The following POPDC2 variants were observed in gnomAD, a reference collection of about 807,000 sequenced individuals.
POPDC2 encodes the protein popeye domain-containing protein 2.
Under a neutral mutation model 30.5 loss-of-function variants are expected in POPDC2, and 24 were observed. That is an observed-to-expected ratio of 0.79 (90% CI 0.57 to 1.11). The LOEUF (loss-of-function observed/expected upper bound fraction) is 1.11. POPDC2 is among the 50% of genes least tolerant of loss of function. The pLI is 0.00. For missense variants in POPDC2, 409 were observed against 447.0 expected, an observed-to-expected ratio of 0.91 and a Z score of 0.77; for synonymous variants, 185 against 183.3, an observed-to-expected ratio of 1.01 and a Z score of -0.07.
At chr3:119,655,573 G>C (rs2052870107) in intron 1 of POPDC2, among the ~76,000 whole-genome samples, 1 of 152,160 alleles carries the variant, frequency 6.6e-6, no homozygotes, top group Non-Finnish European at 1.5e-5. Context: ...GAAGATTCAT[G>C]CTTACATTTA....
chr3:119,654,409 G>A (rs2052853182), intron 2 of POPDC2, 96 bp downstream of exon 2: 7 of 840,664 alleles, frequency 8.3e-6, no homozygotes, highest in South Asian at 4.6e-5. Flanking sequence ...GCAGGGGTGC[G>A]AAGGACAGAT....
chr3:119,643,344 T>C (rs2107811187), intron 3 of POPDC2: 1 of 1,494,570 alleles, frequency 6.7e-7, no homozygotes, highest in Non-Finnish European at 9.0e-7. Context: ...ATGTTTTCTT[T>C]AGGCCTCCAC....
chr3:119,644,656 C>T (rs1322180109), intron 3 of POPDC2, among the ~76,000 whole-genome samples: 1 of 152,142 alleles, frequency 6.6e-6, no homozygotes, highest in Non-Finnish European at 1.5e-5. Context: ...GCACTGGTGT[C>T]AATGTGATGA....
At chr3:119,654,883 C>T (rs2052861849) in intron 1 of POPDC2, among the ~76,000 whole-genome samples, 1 of 152,130 alleles carries the variant, frequency 6.6e-6, no homozygotes, top group African/African-American at 2.4e-5. Context: ...GTAGAAGTCC[C>T]AGGGAAGCTT....
intron 3 of POPDC2, among the ~76,000 whole-genome samples, chr3:119,644,783 A>G (rs2052727015): frequency 1.3e-5 from 2 of 152,242 alleles, no homozygotes; most frequent in Non-Finnish European, 1.5e-5. Context: ...GCCAGGAAAT[A>G]GATGGTGAAT....
intron 3 of POPDC2, among the ~76,000 whole-genome samples, chr3:119,646,332 C>G (rs999475306): frequency 6.6e-6 from 1 of 152,190 alleles, no homozygotes; most frequent in Non-Finnish European, 1.5e-5. Context: ...AAAATGGACA[C>G]TTAAGAGCAG....
At position 119,643,274 on chromosome 3, in the gene POPDC2, C is replaced by T. The variant is rs892762265; in HGVS notation, c.*44-713G>A. 1.1e-5 allele frequency: 9 copies of T among 804,576 alleles called. No individual in the cohort carries two copies. The African/African-American group carries it at 1.2e-4, about 11-fold the overall frequency. 49.8% of individuals were successfully genotyped at this position (804,576 alleles called of 1,614,324 possible). On this transcript the variant is annotated intron_variant, in intron 3 of 3. Coordinates refer to ENST00000493094, the MANE Select transcript of POPDC2 (RefSeq NM_001369919.2). ...TGACTCTAATCTGCCTCCTCCCAAACAGATGAAGGAGAGCAGGCTGACATG... is the reference window on the plus strand; with the variant it reads ...TGACTCTAATCTGCCTCCTCCCAAATAGATGAAGGAGAGCAGGCTGACATG...
At chr3:119,652,234 A>C (rs763522083) in intron 2 of POPDC2, among the ~76,000 whole-genome samples, 1 of 152,210 alleles carries the variant, frequency 6.6e-6, no homozygotes, top group Non-Finnish European at 1.5e-5. Flanking sequence ...TGCCGAACAC[A>C]CAATGAATTC....
intron 2 of POPDC2, among the ~76,000 whole-genome samples, chr3:119,651,885 C>T (rs1180375999): frequency 2.6e-5 from 4 of 152,118 alleles, no homozygotes; most frequent in South Asian, 4.2e-4. Flanking sequence ...CCAACTGCCT[C>T]GGCCTCCCAA....
intron 2 of POPDC2, among the ~76,000 whole-genome samples, chr3:119,651,502 A>T (rs2052809038): frequency 6.6e-6 from 1 of 152,136 alleles, no homozygotes; most frequent in Non-Finnish European, 1.5e-5. Flanking sequence ...CTGTTCACTG[A>T]TATATTTCAA....
In POPDC2 at chr3:119,642,276, T is replaced by C. The variant is rs2052698826; in HGVS notation, c.*329A>G. The C allele has an allele frequency of 2.2e-6, 1 of 448,922 alleles. No homozygotes were observed. Among genetic ancestry groups the C allele is most frequent in the Non-Finnish European group, 4.1e-6 (1 of 244,530 alleles). 27.8% of individuals were successfully genotyped at this position (448,922 alleles called of 1,614,324 possible). A position where few individuals can be genotyped will look rare whatever the true frequency, so the allele number is the denominator to read the frequency against. On this transcript the variant is annotated 3_prime_UTR_variant, in exon 4 of 4. Transcript: ENST00000493094. ...CCTCTGCACTACCAATGCCTGCTCC[T>C]GAAGGAAGGTTTGTGAGGGTGAATT...
rs973627303 is a variant in POPDC2 at position 119,647,965 on chromosome 3, C to T, written c.*43+154G>A. Reference sequence around the variant, plus strand: ...AATCCCTTCATGCCTTGCATGCACCCGGAGTGAGTTGCTATCTTCAAAGTT... The same window carrying T: ...AATCCCTTCATGCCTTGCATGCACCTGGAGTGAGTTGCTATCTTCAAAGTT... On this transcript the variant is annotated intron_variant, in intron 3 of 3. Transcript: ENST00000493094. Among the ~76,000 whole-genome samples the T allele has an allele frequency of 5.3e-5, 8 of 152,286 alleles. No homozygotes were observed. The East Asian group carries it at 7.7e-4, about 15-fold the overall frequency.
intron 1 of POPDC2, among the ~76,000 whole-genome samples, chr3:119,658,006 C>T (rs1417741011): frequency 6.6e-6 from 1 of 152,138 alleles, no homozygotes; most frequent in African/African-American, 2.4e-5. Context: ...TTTATTAAAA[C>T]AAAACAAAAA....
intron 1 of POPDC2, among the ~76,000 whole-genome samples, chr3:119,655,766 C>T (rs775425562): frequency 5.9e-5 from 9 of 152,176 alleles, no homozygotes; most frequent in Non-Finnish European, 1.2e-4. Context: ...GGCTACATAG[C>T]GATCAAGTGG....
At chr3:119,650,014 G>A (rs1017358065) in intron 2 of POPDC2, among the ~76,000 whole-genome samples, 10 of 152,308 alleles carry the variant, frequency 6.6e-5, no homozygotes, top group African/African-American at 1.7e-4. Context: ...TGCCTCATGA[G>A]AAAGAATTCT....
In POPDC2 at chr3:119,642,090, G is replaced by C. The variant is rs1056060398; in HGVS notation, c.*515C>G. On this transcript the variant is annotated 3_prime_UTR_variant, in exon 4 of 4. Transcript: ENST00000493094. ...TGAGTGATTTATTGAGTGCTTACTTGGTGCCACGGCATGTGCTAGGTGCTT... is the reference window on the plus strand; with the variant it reads ...TGAGTGATTTATTGAGTGCTTACTTCGTGCCACGGCATGTGCTAGGTGCTT... 1 of 156,670 alleles carries C rather than the reference G, an allele frequency of 6.4e-6. No homozygotes were observed. The highest frequency in any genetic ancestry group is 1.4e-5 in the Non-Finnish European group (1 of 70,482). 9.7% of individuals were successfully genotyped at this position (156,670 alleles called of 1,614,324 possible).
chr3:119,659,417 G>C (rs1021851877), intron 1 of POPDC2, among the ~76,000 whole-genome samples: 68 of 152,204 alleles, frequency 4.5e-4, no homozygotes, highest in African/African-American at 1.6e-3. Context: ...CTGTTTGCTT[G>C]ATGCCTTGGC....
Position 119,646,506 on chromosome 3 carries a change from A to G in POPDC2, c.*43+1613T>C, listed in dbSNP as rs114372499. On this transcript the variant is annotated intron_variant, in intron 3 of 3. Transcript: ENST00000493094. ...AATTAAACATTATCCAGGCACAGCG[A>G]CATGTGCCTGTAATCCCTGTTACTT... 6.5e-3 allele frequency among the ~76,000 whole-genome samples: 993 copies of G among 152,216 alleles called. 5 individuals carry two copies. The highest frequency in any genetic ancestry group is 0.022 in the African/African-American group (930 of 41,516).
rs1184989231 is a variant in POPDC2, at chr3:119,660,199, C to T, written c.225G>A (p.Leu75=). Residue 75 remains leucine, a synonymous_variant, in exon 1 of 4, where the codon CTG becomes CTA. Coordinates refer to ENST00000493094, the MANE Select transcript of POPDC2 (RefSeq NM_001369919.2). ...VLWGWFSACG[L]DIVLWSFLLA... ...GCAGGAAGCTCCAAAGAACAATGTC[C>T]AGGCCACAGGCACTGAACCAGCCCC... The T allele has an allele frequency of 6.2e-7, 1 of 1,614,192 alleles. No individual in the cohort carries two copies. The highest frequency in any genetic ancestry group is 1.1e-5 in the South Asian group (1 of 91,084).
Sources: allele counts gnomAD v4.1 joint callset (sites outside exome capture counted in the v4.1 genomes callset), GRCh38; gene constraint gnomAD v4.1.1; transcripts MANE v1.5; gene names NCBI Gene and HGNC (gene_info 2026-07-23, HGNC 2026-07-21).